Variants in DOK7 observed in about 807,000 individuals in gnomAD.
DOK7 encodes docking protein 7, also known as protein Dok-7.
A neutral mutation model predicts 30.7 loss-of-function variants in DOK7; 32 were observed. The observed-to-expected ratio is 1.04, with a 90% CI of 0.79 to 1.40. The LOEUF is 1.40. Among genes scored for constraint, DOK7 ranks in the 40% most tolerant of loss-of-function variants. The probability of loss-of-function intolerance (pLI) is 0.00; values close to 1 mark genes in which losing one functional copy is unlikely to be tolerated. For synonymous variants in DOK7, 447 were observed against 324.1 expected (o/e 1.38, Z -4.07); for missense variants, 1,007 against 699.2 (o/e 1.44, Z -4.97).
intron 5 of DOK7, 117 bp downstream of exon 5, chr4:3,485,775 C>G (rs1577166028): frequency 7.5e-7 from 1 of 1,336,876 alleles, no homozygotes; most frequent in Non-Finnish European, 9.6e-7. Context: ...CTCCCCACCC[C>G]CAGCTAAGGA....
At chr4:3,485,284 G>T in intron 4 of DOK7, 2 of 458,514 alleles carry the variant, frequency 4.4e-6, no homozygotes, top group Non-Finnish European at 7.5e-6. Context: ...AGTTTGAAGG[G>T]TGCGGCGGGG....
rs1371115774 is a variant in DOK7 at position 3,493,058 on chromosome 4, A to G, written c.1072A>G (p.Ser358Gly). Reference sequence around the variant, plus strand: ...CAGCAGCCTCTCGTCCTACGCGGGCAGCAGCCTGGACGTGTGGCGGGCCAC... The same window carrying G: ...CAGCAGCCTCTCGTCCTACGCGGGCGGCAGCCTGGACGTGTGGCGGGCCAC... ...YSSSLSSYAG[S>G]SLDVWRATDE... Residue 358 changes from serine to glycine, a missense_variant, in exon 7 of 7, where the codon AGC becomes GGC. Physicochemically the swap from Ser to Gly is moderately conservative, Grantham distance 56. Coordinates refer to ENST00000340083, the MANE Select transcript of DOK7 (RefSeq NM_173660.5). 3 of 1,575,206 alleles carry G rather than the reference A, an allele frequency of 1.9e-6. No individual in the cohort carries two copies. Among genetic ancestry groups the G allele is most frequent in the Non-Finnish European group, 2.6e-6 (3 of 1,165,128 alleles).
intron 4 of DOK7, chr4:3,485,327 G>A: frequency 1.7e-6 from 1 of 597,224 alleles, no homozygotes; most frequent in Non-Finnish European, 2.7e-6. Context: ...TGGGGACCCA[G>A]CTTCACAGAG....
intron 7 of DOK7, chr4:3,500,594 G>A: frequency 6.6e-7 from 1 of 1,523,672 alleles, no homozygotes; most frequent in South Asian, 1.2e-5. Flanking sequence ...CCACTCAGAT[G>A]CTTCCGAGGG....
At chr4:3,500,234 A>G (rs916228823) in intron 6 of DOK7, 20 of 1,534,226 alleles carry the variant, frequency 1.3e-5, no homozygotes, top group Non-Finnish European at 1.7e-5. Context: ...GGGGCTTCAC[A>G]GCCGCTCCCC....
rs189300778 is a variant in DOK7 at position 3,493,689 on chromosome 4, G to C, written c.*188G>C. The C allele has an allele frequency of 3.7e-4, 537 of 1,442,328 alleles. 7 individuals carry two copies. The East Asian group carries it at 0.013, about 36-fold the overall frequency. 89.3% of individuals were successfully genotyped at this position (1,442,328 alleles called of 1,614,324 possible). On this transcript the variant is annotated 3_prime_UTR_variant, in exon 7 of 7. Coordinates refer to ENST00000340083, the MANE Select transcript of DOK7 (RefSeq NM_173660.5). ...CGGAGGAAGGGGCTGACTTGGGGAG[G>C]TGAGTTCTGGAAGGCAGGGGCTCTG...
chr4:3,500,037 G>C (rs1260783616), intron 6 of DOK7, among the ~76,000 whole-genome samples: 2 of 139,358 alleles, frequency 1.4e-5, no homozygotes, highest in African/African-American at 5.1e-5. Context: ...TGGGTACTTG[G>C]ACCAGGAGTG....
chr4:3,499,673 G>T (rs890782196), intron 6 of DOK7, among the ~76,000 whole-genome samples: 5 of 142,242 alleles, frequency 3.5e-5, no homozygotes, highest in Non-Finnish European at 7.6e-5. Context: ...GCTCCTATGA[G>T]GGGGGAGAGG....
chr4:3,476,691 C>CTCGATG (rs1727115090), intron 4 of DOK7, 149 bp downstream of exon 4: 1 of 1,046,864 alleles, frequency 9.6e-7, no homozygotes, highest in Non-Finnish European at 1.4e-6. Context: ...TCTCCCCACG[C>CTCGATG]TCGATGTCCA....
At position 3,491,952 on chromosome 4, in the gene DOK7, C is replaced by G. The variant is rs980119364; in HGVS notation, c.773-807C>G. 3.1e-4 allele frequency among the ~76,000 whole-genome samples: 47 copies of G among 152,348 alleles called. 1 individual carries two copies. The highest frequency in any genetic ancestry group is 1.1e-3 in the African/African-American group (46 of 41,576). On this transcript the variant is annotated intron_variant, in intron 6 of 6. Transcript: ENST00000340083. ...AGTGCCCTCTGATCACTGCTTGTCC[C>G]CCAGAGGGCACCAAGCAGACAGTGG...
intron 2 of DOK7, among the ~76,000 whole-genome samples, chr4:3,464,567 T>A (rs1044441301): frequency 2.6e-5 from 4 of 151,824 alleles, no homozygotes; most frequent in Non-Finnish European, 5.9e-5. Context: ...CTGGGCAGAG[T>A]GAGAGGCCCT....
intron 2 of DOK7, among the ~76,000 whole-genome samples, chr4:3,470,345 G>A (rs915646396): frequency 6.6e-6 from 1 of 152,212 alleles, no homozygotes; most frequent in African/African-American, 2.4e-5. Context: ...TTCCGGGGTC[G>A]GGAGTGGACA....
rs1187985021 is a variant in DOK7, at chr4:3,500,889, G to A, written c.*64G>A. On this transcript the variant is annotated 3_prime_UTR_variant, in exon 8 of 8. Coordinates refer to the DOK7 transcript ENST00000643608. Reference sequence around the variant, plus strand: ...TGTGCGGCCCCGTGGCCCCCGGCAGGCCAGCCCCTTCTGTTGGGCGTGGTC... The same window carrying A: ...TGTGCGGCCCCGTGGCCCCCGGCAGACCAGCCCCTTCTGTTGGGCGTGGTC... 3.4e-6 allele frequency: 5 copies of A among 1,466,694 alleles called. No individual in the cohort carries two copies. The African/African-American group carries it at 5.6e-5, about 17-fold the overall frequency. The allele number at this position is 1,466,694 out of a possible 1,614,324, so 90.9% of individuals were successfully genotyped here. A position where few individuals can be genotyped will look rare whatever the true frequency, so the allele number is the denominator to read the frequency against.
At chr4:3,465,939 G>A (rs1254522413) in intron 2 of DOK7, among the ~76,000 whole-genome samples, 1 of 152,202 alleles carries the variant, frequency 6.6e-6, no homozygotes, top group Non-Finnish European at 1.5e-5. Flanking sequence ...AGGTGCGGGG[G>A]CTGGGGGTGG....
rs954858627 is a variant in DOK7, at chr4:3,500,198, G to A, written c.1109-53G>A. On this transcript the variant is annotated intron_variant, in intron 6 of 7. Transcript: ENST00000643608. ...CAGCTCTTTACTGCACAATCTTTGA[G>A]ATCTGTGCCCCTCTCGGTCCCCACC... 4.5e-5 allele frequency: 69 copies of A among 1,523,762 alleles called. No individual in the cohort carries two copies. In the African/African-American group the frequency reaches 7.7e-4, roughly 17 times the overall value. 94.4% of individuals were successfully genotyped at this position (1,523,762 alleles called of 1,614,324 possible).
At chr4:3,500,392 A>G in exon 7 of DOK7, 3 of 1,535,826 alleles carry the variant, frequency 2.0e-6, no homozygotes, top group Non-Finnish European at 2.6e-6. Flanking sequence ...GAGGCCAGCG[A>G]GGGTGTCCGA....
intron 5 of DOK7, among the ~76,000 whole-genome samples, chr4:3,486,615 T>G (rs1727810950): frequency 6.6e-6 from 1 of 152,192 alleles, no homozygotes; most frequent in South Asian, 2.1e-4. Context: ...AGGTGGCACC[T>G]ATGGCCAGCG....
chr4:3,471,754 G>A (rs1017644346), intron 2 of DOK7, among the ~76,000 whole-genome samples: 5 of 152,250 alleles, frequency 3.3e-5, no homozygotes, highest in African/African-American at 1.2e-4. Context: ...GTTTCCAGAG[G>A]GGGCCAGGAG....
intron 4 of DOK7, among the ~76,000 whole-genome samples, chr4:3,482,066 T>C (rs1256150855): frequency 1.3e-5 from 2 of 152,074 alleles, no homozygotes; most frequent in East Asian, 3.9e-4. Flanking sequence ...CCTCTTACCC[T>C]CACGCCTCCT....
Sources: gnomAD v4.1 joint callset for allele counts (sites outside exome capture counted in the v4.1 genomes callset) on GRCh38, gnomAD v4.1.1 for gene constraint, MANE v1.5 for transcripts, NCBI Gene and HGNC (gene_info 2026-07-23, HGNC 2026-07-21) for gene names.